TAF4B: variants seen among roughly 807,000 people sequenced by gnomAD.
TAF4B encodes the protein TATA-box binding protein associated factor 4b, also known as transcription initiation factor TFIID subunit 4B.
Under a neutral mutation model 86.4 loss-of-function variants are expected in TAF4B, and 38 were observed. That is an observed-to-expected ratio of 0.44 (90% CI 0.34 to 0.58). TAF4B has a LOEUF of 0.58. Ranked by LOEUF, TAF4B falls within the 20% of genes least tolerant of loss-of-function variation. The pLI is 0.02. For missense variants in TAF4B, 988 were observed against 1,027.6 expected (o/e 0.96, Z 0.53); for synonymous variants, 388 against 391.2 (o/e 0.99, Z 0.10).
chr18:26,293,202 A>G (rs1391628512), intron 8 of TAF4B, among the ~76,000 whole-genome samples: 1 of 152,184 alleles, frequency 6.6e-6, no homozygotes, highest in Non-Finnish European at 1.5e-5. Context: ...TAATACTGCT[A>G]ACATAGACTA....
intron 14 of TAF4B, among the ~76,000 whole-genome samples, chr18:26,371,033 G>A (rs1262729504): frequency 6.6e-6 from 1 of 151,896 alleles, no homozygotes; most frequent in Non-Finnish European, 1.5e-5. Context: ...TGAGAAATAA[G>A]GAATTCTCAA....
At chr18:26,266,808 G>A (rs1004597466) in intron 2 of TAF4B, 1 of 152,166 alleles carries the variant, frequency 6.6e-6, no homozygotes, top group Admixed American at 6.5e-5. Context: ...CTTGCAGTGA[G>A]CCGAGATCGT....
intron 1 of TAF4B, among the ~76,000 whole-genome samples, chr18:26,257,549 T>TTA (rs199893509): frequency 3.4e-4 from 51 of 152,112 alleles, no homozygotes; most frequent in Admixed American, 2.5e-3. Context: ...TTTAATGTTG[T>TTA]TATATATATA....
At chr18:26,337,480 GTGGCATGATC>G (rs1036345255) in intron 13 of TAF4B, among the ~76,000 whole-genome samples, 22 of 142,960 alleles carry the variant, frequency 1.5e-4, no homozygotes, top group South Asian at 8.9e-4. Flanking sequence ...CTGGAGTGCA[GTGGCATGATC>G]TCAGCTCAGG....
chr18:26,267,271 G>A, intron 2 of TAF4B: 1 of 332,758 alleles, frequency 3.0e-6, no homozygotes, highest in East Asian at 4.8e-5. Flanking sequence ...TATTTAGTTT[G>A]AAATTTCAGA....
rs1425360947 is a variant in TAF4B at position 26,300,469 on chromosome 18, T to G, written c.1832+6938T>G. ...CACCCAACTGATTATAGGGTGTGTTTTTTTTTTTTTTTTGCCTTTCCATTC... is the reference window on the plus strand; with the variant it reads ...CACCCAACTGATTATAGGGTGTGTTGTTTTTTTTTTTTTGCCTTTCCATTC... On this transcript the variant is annotated intron_variant, in intron 9 of 14. Transcript: ENST00000269142. 7.5e-5 allele frequency among the ~76,000 whole-genome samples: 11 copies of G among 147,114 alleles called. No individual in the cohort carries two copies. The South Asian group carries it at 2.1e-3, about 28-fold the overall frequency.
At chr18:26,231,312 G>T (rs1482829394) in intron 1 of TAF4B, among the ~76,000 whole-genome samples, 2 of 148,370 alleles carry the variant, frequency 1.3e-5, no homozygotes, top group African/African-American at 2.5e-5. Context: ...CAAAATGCTG[G>T]GATTACAGAT....
intron 13 of TAF4B, among the ~76,000 whole-genome samples, chr18:26,338,541 C>T (rs1182099112): frequency 2.2e-5 from 3 of 138,950 alleles, no homozygotes; most frequent in East Asian, 2.2e-4. Context: ...TGCAATGGCA[C>T]GATCTCGGCT....
chr18:26,330,701 T>TA (rs1468724695), intron 12 of TAF4B, among the ~76,000 whole-genome samples: 1 of 152,208 alleles, frequency 6.6e-6, no homozygotes, highest in Non-Finnish European at 1.5e-5. Context: ...CGTGAGTTCA[T>TA]ATGGATACCT....
At chr18:26,361,468 A>G (rs11872793) in intron 14 of TAF4B, among the ~76,000 whole-genome samples, 140,954 of 151,240 alleles carry the variant, frequency 0.93, 65,980 homozygotes, top group East Asian at 0.99. Context: ...AAAACTGGCC[A>G]GGCATGATGG....
chr18:26,360,527 A>G (rs1293500824), intron 14 of TAF4B, among the ~76,000 whole-genome samples: 1 of 152,116 alleles, frequency 6.6e-6, no homozygotes, highest in Non-Finnish European at 1.5e-5. Flanking sequence ...TTTTGGGTTT[A>G]TATTCTATTT....
At chr18:26,275,993 G>T (rs1161912900) in intron 5 of TAF4B, among the ~76,000 whole-genome samples, 2 of 140,594 alleles carry the variant, frequency 1.4e-5, no homozygotes, top group Non-Finnish European at 3.0e-5. Flanking sequence ...TCTAGCCCGG[G>T]CAACAGAGCA....
chr18:26,293,836 T>TA (rs1191804383), intron 9 of TAF4B, among the ~76,000 whole-genome samples: 2 of 152,200 alleles, frequency 1.3e-5, no homozygotes, highest in African/African-American at 2.4e-5. Context: ...CTACTGTTCT[T>TA]ACGTCCATCA....
chr18:26,328,704 C>G lies in TAF4B; in HGVS notation c.2259+1564C>G, dbSNP rs543842106. The stretch of plus-strand genomic sequence containing the variant: ...GCACAATCTCGGCTCACTGCAACCT[C>G]TGCCTCCCAGGTTCCAGCAATTCTC... On this transcript the variant is annotated intron_variant, in intron 12 of 14. Coordinates refer to ENST00000269142, the MANE Select transcript of TAF4B (RefSeq NM_005640.3). 2.5e-3 allele frequency among the ~76,000 whole-genome samples: 380 copies of G among 152,196 alleles called. 2 individuals carry two copies. The highest frequency in any genetic ancestry group is 3.4e-3 in the Middle Eastern group (1 of 294).
At chr18:26,242,642 T>C (rs532310438) in intron 1 of TAF4B, among the ~76,000 whole-genome samples, 4 of 152,210 alleles carry the variant, frequency 2.6e-5, no homozygotes, top group African/African-American at 9.6e-5. Flanking sequence ...GTAAGCTGGT[T>C]ATTTTGCTCG....
chr18:26,279,485 A>G (rs774528099), intron 5 of TAF4B, among the ~76,000 whole-genome samples: 3 of 151,992 alleles, frequency 2.0e-5, no homozygotes. Flanking sequence ...AATTAGAGAA[A>G]ACTCTTTTAA....
At chr18:26,257,853 G>A (rs2056108144) in intron 1 of TAF4B, among the ~76,000 whole-genome samples, 1 of 76,912 alleles carries the variant, frequency 1.3e-5, no homozygotes, top group Admixed American at 1.5e-4. Context: ...GTGTGTGTGT[G>A]TGTGTGTGTG....
At chr18:26,291,003 A>C (rs1297317242) in intron 7 of TAF4B, among the ~76,000 whole-genome samples, 1 of 152,198 alleles carries the variant, frequency 6.6e-6, no homozygotes, top group East Asian at 1.9e-4. Flanking sequence ...TCAAAGAATA[A>C]GGGCAATTGA....
chr18:26,273,033 A>C (rs2056340739), intron 3 of TAF4B, among the ~76,000 whole-genome samples: 1 of 152,124 alleles, frequency 6.6e-6, no homozygotes, highest in South Asian at 2.1e-4. Context: ...CCTTTAGTTT[A>C]CTTTTCTTTT....
Sources: allele counts gnomAD v4.1 joint callset (sites outside exome capture counted in the v4.1 genomes callset), GRCh38; gene constraint gnomAD v4.1.1; transcripts MANE v1.5; gene names NCBI Gene and HGNC (gene_info 2026-07-23, HGNC 2026-07-21).